Variants in NDUFAF7 observed in about 807,000 individuals in gnomAD.
NDUFAF7 encodes the protein protein arginine methyltransferase NDUFAF7, mitochondrial.
A neutral mutation model predicts 47.2 loss-of-function variants in NDUFAF7; 48 were observed. The observed-to-expected ratio is 1.02, with a 90% CI of 0.81 to 1.29. The LOEUF (loss-of-function observed/expected upper bound fraction) is 1.29. NDUFAF7 is among the 50% of genes most tolerant of loss of function. NDUFAF7 has a pLI of 0.00. For missense variants in NDUFAF7, 635 were observed against 537.6 expected, an observed-to-expected ratio of 1.18 and a Z score of -1.79; for synonymous variants, 217 against 190.0, an observed-to-expected ratio of 1.14 and a Z score of -1.17.
intron 8 of NDUFAF7, 38 bp from the exon 9 acceptor site, chr2:37,247,418 C>A: frequency 6.2e-7 from 1 of 1,610,542 alleles, no homozygotes; most frequent in Admixed American, 1.7e-5. Context: ...ATCTTAATAA[C>A]CATAAAAGGG....
chr2:37,247,323 C>T, intron 8 of NDUFAF7, 133 bp from the exon 9 acceptor site: 1 of 1,093,194 alleles, frequency 9.1e-7, no homozygotes, highest in Admixed American at 2.1e-5. Flanking sequence ...GTGTTCCCTG[C>T]CTAGAGAATT....
the NDUFAF7 span, chr2:37,259,826 C>A: frequency 1.6e-6 from 1 of 607,346 alleles, no homozygotes; most frequent in East Asian, 2.8e-5. Context: ...TTAAGGTTAA[C>A]AATTCCCACA....
At chr2:37,244,273 T>G (rs1417967744) in intron 7 of NDUFAF7, among the ~76,000 whole-genome samples, 1 of 152,214 alleles carries the variant, frequency 6.6e-6, no homozygotes, top group African/African-American at 2.4e-5. Flanking sequence ...GTAATGGTAT[T>G]GTCCACAGGA....
chr2:37,263,928 ACACCACAATGTT>A, the NDUFAF7 span, among the ~76,000 whole-genome samples: 1 of 152,224 alleles, frequency 6.6e-6, no homozygotes, highest in Non-Finnish European at 1.5e-5. Flanking sequence ...TGCTGAATTT[ACACCACAATGTT>A]CAAACCAGAA....
chr2:37,266,295 C>G, the NDUFAF7 span, among the ~76,000 whole-genome samples: 1 of 152,122 alleles, frequency 6.6e-6, no homozygotes, highest in Non-Finnish European at 1.5e-5. Flanking sequence ...TGAATTTCAC[C>G]CAAAGCAAAT....
At chr2:37,262,213 C>G in the NDUFAF7 span, among the ~76,000 whole-genome samples, 1 of 152,108 alleles carries the variant, frequency 6.6e-6, no homozygotes, top group African/African-American at 2.4e-5. Flanking sequence ...TGTTTTTGGC[C>G]TATGTGAGGC....
At chr2:37,234,066 G>A (rs1487844981) in intron 2 of NDUFAF7, among the ~76,000 whole-genome samples, 2 of 152,038 alleles carry the variant, frequency 1.3e-5, no homozygotes, top group African/African-American at 4.8e-5. Flanking sequence ...TAATTATTGG[G>A]TCTTTGGCTT....
intron 7 of NDUFAF7, among the ~76,000 whole-genome samples, chr2:37,244,950 G>A (rs778701768): frequency 1.3e-5 from 2 of 152,150 alleles, no homozygotes; most frequent in Non-Finnish European, 2.9e-5. Context: ...TCTTTCACTT[G>A]AATGAGATGC....
chr2:37,254,372 C>T, downstream of NDUFAF7: 1 of 1,041,288 alleles, frequency 9.6e-7, no homozygotes, highest in South Asian at 1.3e-5. Flanking sequence ...GGCAGTTCAA[C>T]CCATAGAAAT....
intron 6 of NDUFAF7, among the ~76,000 whole-genome samples, chr2:37,243,063 G>C (rs1268159833): frequency 6.6e-6 from 1 of 152,132 alleles, no homozygotes. Context: ...CAGGGCTCAA[G>C]TGTTCATCCT....
At chr2:37,267,600 A>AC in the NDUFAF7 span, 1 of 1,180,738 alleles carries the variant, frequency 8.5e-7, no homozygotes, top group Non-Finnish European at 1.2e-6. Flanking sequence ...GGAGTTGTCC[A>AC]CAGACTGAAA....
downstream of NDUFAF7, chr2:37,254,356 C>G (rs1667765812): frequency 1.6e-6 from 2 of 1,254,570 alleles, no homozygotes; most frequent in South Asian, 1.2e-5. Context: ...TTGTGACTGC[C>G]TAGAAGGCAG....
At chr2:37,255,958 G>A (rs1667901378), downstream of NDUFAF7, among the ~76,000 whole-genome samples, 1 of 152,156 alleles carries the variant, frequency 6.6e-6, no homozygotes, top group Admixed American at 6.5e-5. Flanking sequence ...AGGCTGCAGT[G>A]AGCTGTGTTT....
rs199512939 is a variant in NDUFAF7, at chr2:37,237,616, G to A, written c.298-141G>A. The A allele has an allele frequency of 8.0e-5, 53 of 664,776 alleles. 1 individual carries two copies. The Middle Eastern group carries it at 1.6e-3, about 20-fold the overall frequency. 41.2% of individuals were successfully genotyped at this position (664,776 alleles called of 1,614,324 possible). ...AGGAAGTTCCTATGTGAACATGTAC[G>A]TATGTATTGAACAACATACATATGG... On this transcript the variant is annotated intron_variant, in intron 3 of 9. Coordinates refer to ENST00000002125, the MANE Select transcript of NDUFAF7 (RefSeq NM_144736.5).
At chr2:37,268,577 A>G in the NDUFAF7 span, 1 of 250,308 alleles carries the variant, frequency 4.0e-6, no homozygotes, top group African/African-American at 2.3e-5. Context: ...GTTGGGTAGC[A>G]GGAGTACCAA....
At position 37,245,516 on chromosome 2, in the gene NDUFAF7, C is replaced by T. The variant is rs991051837; in HGVS notation, c.793-536C>T. 5.3e-5 allele frequency among the ~76,000 whole-genome samples: 8 copies of T among 152,134 alleles called. No individual in the cohort carries two copies. In the East Asian group the frequency reaches 1.5e-3, roughly 29 times the overall value. Reference sequence around the variant, plus strand: ...AATACATTGGCACTAGTTTATAAGCCAGCGTTTCTTGATGTAGGGCATATC... The same window carrying T: ...AATACATTGGCACTAGTTTATAAGCTAGCGTTTCTTGATGTAGGGCATATC... On this transcript the variant is annotated intron_variant, in intron 7 of 9. Coordinates refer to ENST00000002125, the MANE Select transcript of NDUFAF7 (RefSeq NM_144736.5).
the NDUFAF7 span, chr2:37,269,763 A>C: frequency 9.9e-7 from 1 of 1,008,230 alleles, no homozygotes; most frequent in Non-Finnish European, 1.5e-6. Context: ...TTCTTCATCC[A>C]AATACTTCAA....
intron 7 of NDUFAF7, among the ~76,000 whole-genome samples, chr2:37,244,329 T>G (rs946016305): frequency 6.6e-6 from 1 of 152,216 alleles, no homozygotes; most frequent in African/African-American, 2.4e-5. Context: ...TATAGTAAAT[T>G]AACAATAACA....
intron 2 of NDUFAF7, among the ~76,000 whole-genome samples, chr2:37,234,157 T>C (rs1459881821): frequency 1.3e-5 from 2 of 152,308 alleles, no homozygotes; most frequent in East Asian, 3.9e-4. Context: ...TAGTGCAATC[T>C]TGGCTCACTG....
Sources: allele counts gnomAD v4.1 joint callset (sites outside exome capture counted in the v4.1 genomes callset), GRCh38; gene constraint gnomAD v4.1.1; transcripts MANE v1.5; gene names NCBI Gene and HGNC (gene_info 2026-07-23, HGNC 2026-07-21).